MICU1: variants seen among roughly 807,000 people sequenced by gnomAD.
The protein encoded by MICU1 is mitochondrial calcium uptake 1.
Under a neutral mutation model 56.8 loss-of-function variants are expected in MICU1, and 45 were observed. That is an observed-to-expected ratio of 0.79 (90% confidence interval 0.62 to 1.02). The LOEUF (loss-of-function observed/expected upper bound fraction) is 1.02. Ranked by LOEUF, MICU1 falls within the 50% of genes least tolerant of loss-of-function variation. The pLI, the probability that MICU1 is intolerant of heterozygous loss-of-function variation, is 0.00. For synonymous variants in MICU1, 186 were observed against 195.1 expected (o/e 0.95, Z 0.39); for missense variants, 504 against 587.1 (o/e 0.86, Z 1.46).
chr10:72,608,888 C>T (rs1841764194), intron 1 of MICU1, among the ~76,000 whole-genome samples: 1 of 152,190 alleles, frequency 6.6e-6, no homozygotes. Context: ...TTCTGGACCT[C>T]ACTCCTGTTT....
At chr10:72,376,935 G>C (rs1052558029) in intron 10 of MICU1, among the ~76,000 whole-genome samples, 5 of 151,584 alleles carry the variant, frequency 3.3e-5, no homozygotes, top group Admixed American at 2.6e-4. Flanking sequence ...GAACAAGGAG[G>C]CTTGTCTGTG....
intron 10 of MICU1, among the ~76,000 whole-genome samples, chr10:72,390,795 C>T (rs1469077918): frequency 6.6e-6 from 1 of 152,246 alleles, no homozygotes; most frequent in African/African-American, 2.4e-5. Flanking sequence ...TTTTAAGCTC[C>T]TAGAACCTCT....
At chr10:72,413,740 A>T (rs923680785) in intron 9 of MICU1, among the ~76,000 whole-genome samples, 5 of 148,270 alleles carry the variant, frequency 3.4e-5, no homozygotes, top group African/African-American at 1.0e-4. Flanking sequence ...TCTCAAAAAT[A>T]AAAAAAAAAG....
chr10:72,456,849 T>TTGTGTGTGTGTGTGTGTG (rs56262647), intron 8 of MICU1, among the ~76,000 whole-genome samples: 9 of 134,648 alleles, frequency 6.7e-5, no homozygotes, highest in East Asian at 5.4e-4. Flanking sequence ...CGGGCTCATT[T>TTGTGTGTGTGTGTGTGTG]TGTGTGTGTG....
chr10:72,600,142 A>T lies in MICU1; in HGVS notation c.-2+25868T>A, dbSNP rs563382410. On this transcript the variant is annotated intron_variant, in intron 1 of 11. Coordinates refer to ENST00000361114, the MANE Select transcript of MICU1 (RefSeq NM_001195518.2). ...CCCCGTCTCTACCAAAAATACAAAA[A>T]TTAGCGGGACATGATGGTGGGCGTC... 4.6e-5 allele frequency among the ~76,000 whole-genome samples: 7 copies of T among 151,814 alleles called. No homozygotes were observed. The South Asian group carries it at 1.5e-3, about 32-fold the overall frequency.
At position 72,508,137 on chromosome 10, in the gene MICU1, G is replaced by T; in HGVS notation, c.652+18C>A. 1.5e-6 allele frequency: 2 copies of T among 1,341,990 alleles called. No individual in the cohort carries two copies. The highest frequency in any genetic ancestry group is 2.0e-6 in the Non-Finnish European group (2 of 998,528). 83.1% of individuals were successfully genotyped at this position (1,341,990 alleles called of 1,614,324 possible). Reference sequence around the variant, plus strand: ...TGTATCTGCTCTACAAATGGAAAAAGAAAACGTTTATACTTACTGGAAAGA... The same window carrying T: ...TGTATCTGCTCTACAAATGGAAAAATAAAACGTTTATACTTACTGGAAAGA... On this transcript the variant is annotated intron_variant, in intron 6 of 11. Coordinates refer to ENST00000361114, the MANE Select transcript of MICU1 (RefSeq NM_001195518.2).
intron 11 of MICU1, among the ~76,000 whole-genome samples, chr10:72,373,774 A>C (rs543661166): frequency 2.0e-5 from 3 of 152,364 alleles, no homozygotes; most frequent in South Asian, 2.1e-4. Context: ...AATAATAAAA[A>C]TAAATGTTTT....
intron 1 of MICU1, among the ~76,000 whole-genome samples, chr10:72,610,628 T>C (rs989291043): frequency 2.6e-5 from 4 of 152,170 alleles, no homozygotes; most frequent in Non-Finnish European, 5.9e-5. Flanking sequence ...ACAGAAGTTG[T>C]GTGGCCTTCA....
intron 5 of MICU1, among the ~76,000 whole-genome samples, chr10:72,515,197 G>GT (rs2132365550): frequency 6.6e-6 from 1 of 152,286 alleles, no homozygotes. Flanking sequence ...TGGTCACCAG[G>GT]TAAGTTAAAA....
At chr10:72,403,756 C>T (rs1194746159) in intron 10 of MICU1, among the ~76,000 whole-genome samples, 5 of 150,850 alleles carry the variant, frequency 3.3e-5, no homozygotes, top group East Asian at 2.0e-4. Flanking sequence ...CCTGGGTTCA[C>T]GCCATTCTCC....
chr10:72,620,405 C>T (rs1186274035), intron 1 of MICU1, among the ~76,000 whole-genome samples: 2 of 152,140 alleles, frequency 1.3e-5, no homozygotes, highest in Non-Finnish European at 2.9e-5. Context: ...AGGCTGGTTT[C>T]GAACTCCTGA....
intron 7 of MICU1, 95 bp downstream of exon 7, chr10:72,477,079 C>T: frequency 1.2e-6 from 1 of 850,372 alleles, no homozygotes; most frequent in Non-Finnish European, 1.7e-6. Context: ...GGAATAGCCT[C>T]TGAGTATACT....
At chr10:72,490,684 A>G (rs1346955870) in intron 6 of MICU1, among the ~76,000 whole-genome samples, 2 of 152,158 alleles carry the variant, frequency 1.3e-5, no homozygotes, top group Admixed American at 1.3e-4. Flanking sequence ...CAATGGCAAG[A>G]GGATGGGGGT....
At chr10:72,437,442 T>C (rs1430961983) in intron 8 of MICU1, among the ~76,000 whole-genome samples, 2 of 152,156 alleles carry the variant, frequency 1.3e-5, no homozygotes, top group African/African-American at 4.8e-5. Context: ...TGCAAAAACT[T>C]GCCAAATTGT....
At chr10:72,604,826 T>C (rs986765905) in intron 1 of MICU1, among the ~76,000 whole-genome samples, 1 of 152,176 alleles carries the variant, frequency 6.6e-6, no homozygotes, top group Admixed American at 6.5e-5. Flanking sequence ...ACCTAGCTAA[T>C]CATTTCTAGA....
intron 3 of MICU1, among the ~76,000 whole-genome samples, chr10:72,561,142 T>C (rs746705379): frequency 6.6e-6 from 1 of 152,204 alleles, no homozygotes; most frequent in Non-Finnish European, 1.5e-5. Flanking sequence ...CAAATACAGA[T>C]TAGATAGATT....
At chr10:72,376,273 C>CA (rs35947688) in intron 10 of MICU1, among the ~76,000 whole-genome samples, 43 of 137,906 alleles carry the variant, frequency 3.1e-4, no homozygotes, top group South Asian at 6.8e-4. Context: ...GACTCCGTTT[C>CA]AAAAAAAAAA....
At chr10:72,373,100 G>A (rs1203894511) in intron 11 of MICU1, among the ~76,000 whole-genome samples, 2 of 151,458 alleles carry the variant, frequency 1.3e-5, no homozygotes, top group African/African-American at 4.8e-5. Context: ...TGATTTGTGA[G>A]TTCAATTCTA....
intron 1 of MICU1, among the ~76,000 whole-genome samples, chr10:72,591,507 C>T (rs1188712179): frequency 6.6e-6 from 1 of 151,932 alleles, no homozygotes; most frequent in Non-Finnish European, 1.5e-5. Flanking sequence ...AAGAGAGAAG[C>T]CTTGGCTGAC....
Sources: gnomAD v4.1 joint callset for allele counts (sites outside exome capture counted in the v4.1 genomes callset) on GRCh38, gnomAD v4.1.1 for gene constraint, MANE v1.5 for transcripts, NCBI Gene and HGNC (gene_info 2026-07-23, HGNC 2026-07-21) for gene names.